Variants in FER1L6 observed in about 807,000 individuals in gnomAD.
FER1L6 encodes the protein fer-1-like protein 6.
In FER1L6, 177 loss-of-function variants were observed where a neutral mutation model predicts 219.2. That is an observed-to-expected ratio of 0.81 (90% CI 0.71 to 0.91). FER1L6 has a LOEUF of 0.91. Among genes scored for constraint, FER1L6 ranks in the 40% least tolerant of loss-of-function variants. The pLI is 0.00. For synonymous variants in FER1L6, 768 were observed against 824.3 expected (o/e 0.93, Z 1.17); for missense variants, 2,153 against 2,259.9 (o/e 0.95, Z 0.96).
Position 124,111,708 on chromosome 8 carries a change from G to A in FER1L6, c.5290-7136G>A, listed in dbSNP as rs1231418635. Among the ~76,000 whole-genome samples the A allele has an allele frequency of 6.6e-6, 1 of 152,124 alleles. No individual in the cohort carries two copies. The highest frequency in any genetic ancestry group is 2.4e-5 in the African/African-American group (1 of 41,418). Reference sequence around the variant, plus strand: ...GCATTTGTAAACTATCATGGCACTCGCCGGTGGGAGTGTAGCAGTGAGGAT... The same window carrying A: ...GCATTTGTAAACTATCATGGCACTCACCGGTGGGAGTGTAGCAGTGAGGAT... On this transcript the variant is annotated intron_variant, in intron 39 of 40. Transcript: ENST00000522917. The surrounding 1 kb of genome is among the most constrained non-coding windows in gnomAD (Gnocchi z 5.0).
At chr8:123,915,572 G>A (rs1000240004) in intron 1 of FER1L6, among the ~76,000 whole-genome samples, 6 of 151,996 alleles carry the variant, frequency 3.9e-5, no homozygotes, top group African/African-American at 1.5e-4. Flanking sequence ...TATGAATATG[G>A]TATTTCACTA....
At chr8:124,109,905 G>A (rs558858077) in intron 39 of FER1L6, among the ~76,000 whole-genome samples, 1 of 152,308 alleles carries the variant, frequency 6.6e-6, no homozygotes, top group South Asian at 2.1e-4. Flanking sequence ...AACCAGTTCT[G>A]AAAGACTGAA....
Position 123,980,501 on chromosome 8 carries a change from T to G in FER1L6, c.1100T>G (p.Leu367Arg). 1 of 1,614,128 alleles carries G rather than the reference T, an allele frequency of 6.2e-7. No individual in the cohort carries two copies. The highest frequency in any genetic ancestry group is 8.5e-7 in the Non-Finnish European group (1 of 1,179,986). ...LPTFGPAWINLYGSPRNHSLM... is the reference protein window; with the variant it reads ...LPTFGPAWINRYGSPRNHSLM... ...ACCTTTGGGCCTGCCTGGATTAACC[T>G]GTATGGCTCGCCCAGGAACCACAGT... Residue 367 changes from leucine to arginine, a missense_variant, in exon 11 of 41, where the codon CTG becomes CGG. Coordinates refer to ENST00000522917, the MANE Select transcript of FER1L6 (RefSeq NM_001039112.2).
intron 1 of FER1L6, among the ~76,000 whole-genome samples, chr8:123,914,793 T>C (rs1813135553): frequency 6.6e-6 from 1 of 152,140 alleles, no homozygotes; most frequent in African/African-American, 2.4e-5. Flanking sequence ...TGGGTTAATT[T>C]AGACTTAAGG....
chr8:124,002,479 T>C (rs1817458192), intron 12 of FER1L6, among the ~76,000 whole-genome samples: 1 of 152,180 alleles, frequency 6.6e-6, no homozygotes, highest in East Asian at 1.9e-4. Flanking sequence ...ATGGCTAGCT[T>C]TGGAGCTCCT....
chr8:124,083,122 A>G (rs2130916720), intron 33 of FER1L6, among the ~76,000 whole-genome samples: 1 of 151,724 alleles, frequency 6.6e-6, no homozygotes, highest in South Asian at 2.1e-4. Context: ...GATATCTATC[A>G]CCTCAAATAT....
intron 1 of FER1L6, among the ~76,000 whole-genome samples, chr8:123,873,802 T>C (rs953731052): frequency 1.2e-4 from 18 of 152,168 alleles, no homozygotes; most frequent in Non-Finnish European, 2.4e-4. Flanking sequence ...ATCTTGTCAT[T>C]ATCAATAATT....
At chr8:124,014,030 C>T (rs563764783) in intron 15 of FER1L6, among the ~76,000 whole-genome samples, 1 of 151,918 alleles carries the variant, frequency 6.6e-6, no homozygotes, top group African/African-American at 2.4e-5. Flanking sequence ...GAGGGAAAAC[C>T]TTCCCTCCTC....
chr8:123,918,448 T>C (rs1031288543), intron 1 of FER1L6, among the ~76,000 whole-genome samples: 14 of 152,224 alleles, frequency 9.2e-5, no homozygotes, highest in Admixed American at 4.6e-4. Context: ...TTATCATCCT[T>C]GTGTATTCAG....
chr8:123,878,004 G>A (rs1323010760), intron 1 of FER1L6, among the ~76,000 whole-genome samples: 1 of 152,140 alleles, frequency 6.6e-6, no homozygotes, highest in Non-Finnish European at 1.5e-5. Flanking sequence ...TGCTCTGATT[G>A]CTTTAACGTT....
At chr8:124,110,093 C>T (rs1411711484) in intron 39 of FER1L6, among the ~76,000 whole-genome samples, 2 of 152,148 alleles carry the variant, frequency 1.3e-5, no homozygotes, top group African/African-American at 4.8e-5. Context: ...CACACGAGCA[C>T]CTTTCAGTCA....
chr8:123,889,298 G>A (rs1812594116), intron 1 of FER1L6, among the ~76,000 whole-genome samples: 1 of 152,156 alleles, frequency 6.6e-6, no homozygotes, highest in Admixed American at 6.5e-5. Context: ...GAAATGATGT[G>A]TAAATAGATA....
At position 124,062,105 on chromosome 8, in the gene FER1L6, T is replaced by C. The variant is rs1473625101; in HGVS notation, c.3328+73T>C. On this transcript the variant is annotated intron_variant, in intron 25 of 40. Coordinates refer to ENST00000522917, the MANE Select transcript of FER1L6 (RefSeq NM_001039112.2). ...TGCCTGCAGAGTGCCTGCTGTGGGA[T>C]TGGCTCAAAGAGGATGCCCCACAGC... 57 of 1,535,508 alleles carry C rather than the reference T, an allele frequency of 3.7e-5. 1 individual carries two copies. The highest frequency in any genetic ancestry group is 3.3e-4 in the South Asian group (28 of 83,670).
intron 2 of FER1L6, among the ~76,000 whole-genome samples, chr8:123,957,492 A>G (rs1815075859): frequency 6.6e-6 from 1 of 152,180 alleles, no homozygotes; most frequent in Non-Finnish European, 1.5e-5. Flanking sequence ...TATTTATGAC[A>G]TATTTAATAA....
Position 124,101,101 on chromosome 8 carries a change from T to C in FER1L6, c.4888T>C (p.Leu1630=). 6.2e-7 allele frequency: 1 copy of C among 1,613,542 alleles called. No homozygotes were observed. Among genetic ancestry groups the C allele is most frequent in the Non-Finnish European group, 8.5e-7 (1 of 1,179,698 alleles). The part of the protein sequence containing the change: ...KSSDIYVKGW[L]KGLEDDKQET... ...TTATTTTGAATCTATTTTTAGGTGG[T>C]TAAAGGGCTTGGAGGATGACAAGCA... The change falls in exon 38 of 41, where the codon TTA becomes CTA. Residue 1630 remains leucine, a synonymous_variant. Coordinates refer to ENST00000522917, the MANE Select transcript of FER1L6 (RefSeq NM_001039112.2).
At chr8:123,976,364 C>T (rs937722267) in intron 9 of FER1L6, among the ~76,000 whole-genome samples, 3 of 151,898 alleles carry the variant, frequency 2.0e-5, no homozygotes, top group Non-Finnish European at 4.4e-5. Context: ...ATTAGCTGGG[C>T]GTGGGCGTGG....
chr8:123,856,058 G>GAGATATATGTATATACATATGTA lies in FER1L6; in HGVS notation c.-8+3873_-8+3874insAGATATATGTATATACATATGTA, dbSNP rs1563663411. Among the ~76,000 whole-genome samples, 39 of 44,804 alleles carry GAGATATATGTATATACATATGTA rather than the reference G, an allele frequency of 8.7e-4. 2 individuals are homozygous for GAGATATATGTATATACATATGTA. The highest frequency in any genetic ancestry group is 3.2e-3 in the African/African-American group (33 of 10,188). The allele number at this position is 44,804 out of a possible 152,430, so 29.4% of individuals were successfully genotyped here. ...ATGAGATATATGTATATACATATGT[G>GAGATATATGTATATACATATGTA]TATGAGATATATGTATATACATATG... On this transcript the variant is annotated intron_variant, in intron 1 of 40. Coordinates refer to ENST00000522917, the MANE Select transcript of FER1L6 (RefSeq NM_001039112.2).
rs1023121067 is a variant in FER1L6, at chr8:124,060,071, T to G, written c.2875-109T>G. ...TCCTTGTATTTTAAGCTGGAAACATTACTTTTGTTGGCAAAACAGTGAACA... is the reference window on the plus strand; with the variant it reads ...TCCTTGTATTTTAAGCTGGAAACATGACTTTTGTTGGCAAAACAGTGAACA... On this transcript the variant is annotated intron_variant, in intron 22 of 40. Coordinates refer to ENST00000522917, the MANE Select transcript of FER1L6 (RefSeq NM_001039112.2). 2.1e-5 allele frequency: 16 copies of G among 766,308 alleles called. No individual in the cohort carries two copies. The South Asian group carries it at 2.4e-4, about 11-fold the overall frequency. 47.5% of individuals were successfully genotyped at this position (766,308 alleles called of 1,614,324 possible).
intron 33 of FER1L6, among the ~76,000 whole-genome samples, chr8:124,089,429 C>T (rs1036233280): frequency 2.6e-5 from 4 of 152,214 alleles, no homozygotes; most frequent in Non-Finnish European, 4.4e-5. Flanking sequence ...CTTTCTTACC[C>T]TCTTTAGTGC....
Sources: gnomAD v4.1 joint callset for allele counts (sites outside exome capture counted in the v4.1 genomes callset) on GRCh38, gnomAD v4.1.1 for gene constraint, Gnocchi (gnomAD v3.1) non-coding constraint, MANE v1.5 for transcripts, NCBI Gene and HGNC (gene_info 2026-07-23, HGNC 2026-07-21) for gene names.